Variants in SLC22A3 observed in about 807,000 individuals in gnomAD.
The protein encoded by SLC22A3 is solute carrier family 22 member 3.
In SLC22A3, 51 loss-of-function variants were observed where a neutral mutation model predicts 59.1. That is an observed-to-expected ratio of 0.86 (90% CI 0.69 to 1.09). SLC22A3 has a LOEUF of 1.09. Among genes scored for constraint, SLC22A3 ranks in the 50% least tolerant of loss-of-function variants. The pLI is 0.00. For missense variants in SLC22A3, 711 were observed against 726.3 expected (o/e 0.98, Z 0.24); for synonymous variants, 325 against 292.0 (o/e 1.11, Z -1.15).
chr6:160,411,755 A>T (rs535600181), intron 5 of SLC22A3, among the ~76,000 whole-genome samples: 60 of 152,298 alleles, frequency 3.9e-4, no homozygotes, highest in African/African-American at 1.2e-3. Flanking sequence ...AAAAGATTTT[A>T]AAAAAATGAA....
intron 1 of SLC22A3, among the ~76,000 whole-genome samples, chr6:160,349,225 C>T (rs1157346912): frequency 6.6e-6 from 1 of 152,122 alleles, no homozygotes; most frequent in East Asian, 1.9e-4. Flanking sequence ...GTTAGGTGCG[C>T]GATAGGGAAC....
At chr6:160,360,787 T>C (rs1784988644) in intron 1 of SLC22A3, among the ~76,000 whole-genome samples, 1 of 152,136 alleles carries the variant, frequency 6.6e-6, no homozygotes, top group Non-Finnish European at 1.5e-5. Context: ...ACCAATGTAG[T>C]CTTTTTTACC....
chr6:160,376,709 G>A (rs1374656348), intron 1 of SLC22A3, among the ~76,000 whole-genome samples: 1 of 152,116 alleles, frequency 6.6e-6, no homozygotes, highest in Non-Finnish European at 1.5e-5. Context: ...TATGTTCAGG[G>A]AGCCAGCCCA....
Position 160,372,632 on chromosome 6 carries a change from C to A in SLC22A3, c.429+23784C>A, listed in dbSNP as rs368505935. Among the ~76,000 whole-genome samples, 277 of 152,298 alleles carry A rather than the reference C, an allele frequency of 1.8e-3. 10 individuals carry two copies. The South Asian group carries it at 0.055, about 30-fold the overall frequency. On this transcript the variant is annotated intron_variant, in intron 1 of 10. Transcript: ENST00000275300. ...TTCTACCCATCACTTTCAGGTACAC[C>A]AATCAAACGTAGGTTTGGCCTTTTC... is the stretch of plus-strand genomic sequence containing the variant.
chr6:160,447,853 G>T, intron 10 of SLC22A3, 35 bp downstream of exon 10: 1 of 1,491,416 alleles, frequency 6.7e-7, no homozygotes, highest in Non-Finnish European at 9.4e-7. Flanking sequence ...CTAAATAAAA[G>T]CAATATTTAA....
At chr6:160,442,402 G>C (rs1788580359) in intron 7 of SLC22A3, among the ~76,000 whole-genome samples, 1 of 152,168 alleles carries the variant, frequency 6.6e-6, no homozygotes, top group Admixed American at 6.5e-5. Flanking sequence ...GTGGCTCAAA[G>C]GCATGACTGG....
At chr6:160,378,552 C>T (rs945811237) in intron 1 of SLC22A3, among the ~76,000 whole-genome samples, 4 of 152,196 alleles carry the variant, frequency 2.6e-5, no homozygotes, top group Non-Finnish European at 4.4e-5. Flanking sequence ...GGCCCTTATC[C>T]TCCACCTTAG....
At chr6:160,432,602 A>G (rs432919) in intron 5 of SLC22A3, among the ~76,000 whole-genome samples, 39,971 of 151,636 alleles carry the variant, frequency 0.26, 5,497 homozygotes, top group South Asian at 0.39. Context: ...TATTTTTTGT[A>G]TTTTTAGTAG....
At chr6:160,355,483 C>T (rs942337375) in intron 1 of SLC22A3, among the ~76,000 whole-genome samples, 7 of 152,004 alleles carry the variant, frequency 4.6e-5, no homozygotes, top group East Asian at 1.9e-4. Context: ...TTTCCTCGGC[C>T]GGGCACGGTG....
At chr6:160,384,472 C>T (rs1470656441) in intron 1 of SLC22A3, among the ~76,000 whole-genome samples, 2 of 152,182 alleles carry the variant, frequency 1.3e-5, no homozygotes, top group Non-Finnish European at 2.9e-5. Context: ...ACTGGAATCT[C>T]ACACTAAGGG....
intron 1 of SLC22A3, among the ~76,000 whole-genome samples, chr6:160,389,015 C>A (rs1167414856): frequency 6.6e-6 from 1 of 152,164 alleles, no homozygotes; most frequent in East Asian, 1.9e-4. Flanking sequence ...CAGTTACCCC[C>A]AAACCAAGGA....
chr6:160,449,839 C>T (rs1009197089), intron 10 of SLC22A3, among the ~76,000 whole-genome samples: 11 of 152,100 alleles, frequency 7.2e-5, no homozygotes, highest in African/African-American at 2.2e-4. Context: ...CTGTGATGCC[C>T]ACCTGAGCCT....
Position 160,437,043 on chromosome 6 carries a change from A to G in SLC22A3, c.1120A>G (p.Ile374Val). 6.2e-7 allele frequency: 1 copy of G among 1,614,180 alleles called. No individual in the cohort carries two copies. The highest frequency in any genetic ancestry group is 8.5e-7 in the Non-Finnish European group (1 of 1,180,008). ...VYQGLVMRLG[I>V]IGGNLYIDFF... ...TCAAGGACTTGTCATGCGCCTGGGA[A>G]TTATAGGGGGCAACCTCTATATAGA... Residue 374 changes from isoleucine to valine, a missense_variant, in exon 7 of 11, where the codon ATT becomes GTT. Ile to Val is a conservative substitution (Grantham distance 29). Transcript: ENST00000275300.
intron 1 of SLC22A3, among the ~76,000 whole-genome samples, chr6:160,387,986 G>C (rs1430618490): frequency 6.6e-6 from 1 of 152,120 alleles, no homozygotes; most frequent in Non-Finnish European, 1.5e-5. Flanking sequence ...CACAAGGACT[G>C]GGATTCTGTA....
rs569283122 is a variant in SLC22A3 at position 160,380,382 on chromosome 6, A to G, written c.430-17597A>G. Among the ~76,000 whole-genome samples the G allele has an allele frequency of 2.0e-5, 3 of 152,252 alleles. No homozygotes were observed. In the East Asian group the frequency reaches 5.8e-4, roughly 29 times the overall value. On this transcript the variant is annotated intron_variant, in intron 1 of 10. Transcript: ENST00000275300. ...TGTAACAATAATGAAAAGTAAAGGC[A>G]TGTAATCTCTTTTCCAAAATAAAAG...
chr6:160,362,391 G>C (rs903727537), intron 1 of SLC22A3, among the ~76,000 whole-genome samples: 4 of 152,228 alleles, frequency 2.6e-5, no homozygotes, highest in African/African-American at 9.6e-5. Context: ...GAAGGTAGCA[G>C]ACGTGTAGAA....
At chr6:160,442,240 A>G (rs1788569300) in intron 7 of SLC22A3, among the ~76,000 whole-genome samples, 1 of 152,212 alleles carries the variant, frequency 6.6e-6, no homozygotes, top group South Asian at 2.1e-4. Context: ...GTCCCCTTCC[A>G]AAGATCCTGG....
At chr6:160,406,951 T>C in intron 2 of SLC22A3, 90 bp from the exon 3 acceptor site, 12 of 1,415,930 alleles carry the variant, frequency 8.5e-6, no homozygotes, top group Non-Finnish European at 9.8e-6. Flanking sequence ...TACAGTATAA[T>C]ATGGTATGAT....
intron 1 of SLC22A3, among the ~76,000 whole-genome samples, chr6:160,353,811 G>A (rs549426237): frequency 3.3e-5 from 5 of 151,886 alleles, no homozygotes; most frequent in African/African-American, 9.7e-5. Flanking sequence ...GAGACAAGCT[G>A]GGTGTTTCTT....
Sources: allele counts gnomAD v4.1 joint callset (sites outside exome capture counted in the v4.1 genomes callset), GRCh38; gene constraint gnomAD v4.1.1; transcripts MANE v1.5; gene names NCBI Gene and HGNC (gene_info 2026-07-23, HGNC 2026-07-21).